CDH4: variants seen among roughly 807,000 people sequenced by gnomAD.
The protein encoded by CDH4 is cadherin-4.
A neutral mutation model predicts 86.0 loss-of-function variants in CDH4; 33 were observed. The observed-to-expected ratio is 0.38, with a 90% CI of 0.29 to 0.51. CDH4 has a LOEUF of 0.51. Ranked by LOEUF, CDH4 falls within the 20% of genes least tolerant of loss-of-function variation. The pLI is 0.86. For missense variants in CDH4, 1,114 were observed against 1,307.4 expected, an observed-to-expected ratio of 0.85 and a Z score of 2.28; for synonymous variants, 555 against 549.4, an observed-to-expected ratio of 1.01 and a Z score of -0.14.
chr20:61,666,833 G>A (rs2087330503), intron 2 of CDH4, among the ~76,000 whole-genome samples: 2 of 152,240 alleles, frequency 1.3e-5, no homozygotes, highest in South Asian at 2.1e-4. Flanking sequence ...GGTGAAAGAG[G>A]CATGAATCCG....
chr20:61,766,720 A>G (rs1205572461), intron 3 of CDH4, among the ~76,000 whole-genome samples: 1 of 151,936 alleles, frequency 6.6e-6, no homozygotes, highest in African/African-American at 2.4e-5. Flanking sequence ...GCCCCAAATA[A>G]TGGTGGTGTC....
intron 2 of CDH4, among the ~76,000 whole-genome samples, chr20:61,580,753 A>G (rs1301118179): frequency 1.3e-5 from 2 of 152,150 alleles, no homozygotes; most frequent in African/African-American, 2.4e-5. Context: ...CGTTGGGCGC[A>G]CGAAATGAGC....
intron 3 of CDH4, among the ~76,000 whole-genome samples, chr20:61,764,576 G>GC (rs2088676805): frequency 6.6e-6 from 1 of 152,082 alleles, no homozygotes; most frequent in Non-Finnish European, 1.5e-5. Flanking sequence ...TCCGCGCAGG[G>GC]CCCCCCGAGC....
intron 6 of CDH4, among the ~76,000 whole-genome samples, chr20:61,867,113 G>A (rs1000075816): frequency 6.6e-5 from 10 of 152,252 alleles, no homozygotes; most frequent in Non-Finnish European, 4.4e-5. Context: ...ACACACAGCT[G>A]TTTCCAGAAC....
chr20:61,286,370 T>C (rs2084293367), intron 2 of CDH4, among the ~76,000 whole-genome samples: 1 of 152,198 alleles, frequency 6.6e-6, no homozygotes, highest in African/African-American at 2.4e-5. Context: ...ACCCACTTGC[T>C]TTGCGAAGCT....
chr20:61,747,942 T>A (rs921974734), intron 3 of CDH4, among the ~76,000 whole-genome samples: 1 of 149,434 alleles, frequency 6.7e-6, no homozygotes, highest in Non-Finnish European at 1.5e-5. Context: ...GAGAAATATT[T>A]AAAAAAAAAA....
chr20:61,586,112 TG>T (rs1202794332), intron 2 of CDH4, among the ~76,000 whole-genome samples: 1 of 150,046 alleles, frequency 6.7e-6, no homozygotes, highest in Non-Finnish European at 1.5e-5. Flanking sequence ...TGGTGATGAT[TG>T]TGGTGATAGG....
chr20:61,540,321 A>G (rs2086030758), intron 2 of CDH4, among the ~76,000 whole-genome samples: 1 of 152,248 alleles, frequency 6.6e-6, no homozygotes, highest in African/African-American at 2.4e-5. Context: ...ATCCTTTGAC[A>G]TGGTTCTTGT....
chr20:61,850,750 G>A (rs564506452), intron 5 of CDH4, among the ~76,000 whole-genome samples: 16 of 152,230 alleles, frequency 1.1e-4, no homozygotes, highest in Non-Finnish European at 1.9e-4. Flanking sequence ...TTCCTCCACC[G>A]TCATGGTGAG....
intron 4 of CDH4, among the ~76,000 whole-genome samples, chr20:61,813,356 G>A (rs1392978163): frequency 6.6e-6 from 1 of 152,134 alleles, no homozygotes; most frequent in African/African-American, 2.4e-5. Context: ...CAAGCACTGG[G>A]CCCCTCAACC....
At chr20:61,324,288 G>C (rs529578103) in intron 2 of CDH4, among the ~76,000 whole-genome samples, 6 of 152,294 alleles carry the variant, frequency 3.9e-5, no homozygotes, top group Admixed American at 3.3e-4. Context: ...AATTGAAACT[G>C]ATTGCATTAG....
intron 2 of CDH4, among the ~76,000 whole-genome samples, chr20:61,261,848 T>C (rs564709508): frequency 6.6e-6 from 1 of 152,132 alleles, no homozygotes; most frequent in Admixed American, 6.6e-5. Flanking sequence ...TCAACTGAAG[T>C]GGGTCTAAAC....
chr20:61,493,066 A>G (rs527903735), intron 2 of CDH4, among the ~76,000 whole-genome samples: 1 of 152,332 alleles, frequency 6.6e-6, no homozygotes, highest in East Asian at 1.9e-4. Context: ...TGAATGAAGT[A>G]CGTAAATTAG....
chr20:61,315,622 G>C (rs1038889375), intron 2 of CDH4, among the ~76,000 whole-genome samples: 1 of 152,186 alleles, frequency 6.6e-6, no homozygotes, highest in Non-Finnish European at 1.5e-5. Flanking sequence ...TCGTCATGAG[G>C]CTCCCTCTCT....
rs548728465 is a variant in CDH4, at chr20:61,681,287, A to G, written c.170-62276A>G. ...GCTTTAGGACTAAGTAGCTTTTTGC[A>G]AGGCTTGGTATGAATTTTCTCTTTT... On this transcript the variant is annotated intron_variant, in intron 2 of 15. Coordinates refer to ENST00000614565, the MANE Select transcript of CDH4 (RefSeq NM_001794.5). The surrounding 1 kb of genome is among the most constrained non-coding windows in gnomAD (Gnocchi z 4.5). Among the ~76,000 whole-genome samples, 118 of 152,314 alleles carry G rather than the reference A, an allele frequency of 7.7e-4. No individual in the cohort carries two copies. Among genetic ancestry groups the G allele is most frequent in the African/African-American group, 2.7e-3 (113 of 41,566 alleles).
At chr20:61,368,014 G>A (rs1009275834) in intron 2 of CDH4, among the ~76,000 whole-genome samples, 3 of 151,796 alleles carry the variant, frequency 2.0e-5, no homozygotes, top group African/African-American at 4.8e-5. Context: ...GGGATTACAG[G>A]TGCCCACCAC....
At chr20:61,898,854 C>T (rs1353825112) in intron 8 of CDH4, among the ~76,000 whole-genome samples, 1 of 152,208 alleles carries the variant, frequency 6.6e-6, no homozygotes, top group Non-Finnish European at 1.5e-5. Flanking sequence ...TGCCCAGACC[C>T]CCATCCCAGG....
chr20:61,501,451 C>T lies in CDH4; in HGVS notation c.170-242112C>T, dbSNP rs2085700384. On this transcript the variant is annotated intron_variant, in intron 2 of 15. Coordinates refer to ENST00000614565, the MANE Select transcript of CDH4 (RefSeq NM_001794.5). This position sits in a 1 kb window ranked among gnomAD's most constrained non-coding sequence, Gnocchi z 4.2. ...GGCTACGTACTTGGCCACGGAGAGT[C>T]CAGGTGGGAAGAATTTATTAGGTGA... Among the ~76,000 whole-genome samples the T allele has an allele frequency of 6.6e-6, 1 of 152,044 alleles. No homozygotes were observed. The highest frequency in any genetic ancestry group is 2.1e-4 in the South Asian group (1 of 4,828).
Position 61,937,307 on chromosome 20 carries a change from A to G in CDH4, c.*364A>G, listed in dbSNP as rs1568901902. The stretch of plus-strand genomic sequence containing the variant: ...ACATGTATCAGATTCCCTCAAACTC[A>G]GGAGTGTCTAAAGCAGACAGACCGT... On this transcript the variant is annotated 3_prime_UTR_variant, in exon 16 of 16. Transcript: ENST00000614565. 6.1e-6 allele frequency: 1 copy of G among 163,320 alleles called. No individual in the cohort carries two copies. The highest frequency in any genetic ancestry group is 1.3e-5 in the Non-Finnish European group (1 of 77,678). 10.1% of individuals were successfully genotyped at this position (163,320 alleles called of 1,614,324 possible).
Sources: gnomAD v4.1 joint callset for allele counts (sites outside exome capture counted in the v4.1 genomes callset) on GRCh38, gnomAD v4.1.1 for gene constraint, Gnocchi (gnomAD v3.1) non-coding constraint, MANE v1.5 for transcripts, NCBI Gene and HGNC (gene_info 2026-07-23, HGNC 2026-07-21) for gene names.